GTF2H3: variants seen among roughly 807,000 people sequenced by gnomAD.
GTF2H3 encodes the protein general transcription factor IIH subunit 3.
GTF2H3 carries 42 observed loss-of-function variants against 51.1 expected under a neutral mutation model. The observed-to-expected ratio is 0.82, with a 90% CI of 0.64 to 1.06. The LOEUF is 1.06. Among genes scored for constraint, GTF2H3 ranks in the 50% least tolerant of loss-of-function variants. The pLI, the probability that GTF2H3 is intolerant of heterozygous loss-of-function variation, is 0.00. For missense variants in GTF2H3, 326 were observed against 366.1 expected, an observed-to-expected ratio of 0.89 and a Z score of 0.89; for synonymous variants, 123 against 123.8, an observed-to-expected ratio of 0.99 and a Z score of 0.04.
At chr12:123,642,690 C>T (rs1269398832) in intron 2 of GTF2H3, among the ~76,000 whole-genome samples, 1 of 152,166 alleles carries the variant, frequency 6.6e-6, no homozygotes, top group Non-Finnish European at 1.5e-5. Context: ...TCCACCCCTT[C>T]CCCATGTTCT....
chr12:123,654,480 G>A (rs1451812282), intron 7 of GTF2H3, among the ~76,000 whole-genome samples: 1 of 151,224 alleles, frequency 6.6e-6, no homozygotes, highest in Non-Finnish European at 1.5e-5. Context: ...GGGTGTATGT[G>A]TATTTGGGGT....
At chr12:123,647,167 A>AAAAAAGT (rs1955459085) in intron 3 of GTF2H3, among the ~76,000 whole-genome samples, 1 of 148,458 alleles carries the variant, frequency 6.7e-6, no homozygotes, top group Non-Finnish European at 1.5e-5. Context: ...AAAAAAAAAA[A>AAAAAAGT]AAAAAGTCAC....
intron 2 of GTF2H3, among the ~76,000 whole-genome samples, 185 bp from the exon 3 acceptor site, chr12:123,645,270 A>G (rs998070699): frequency 1.3e-5 from 2 of 152,010 alleles, no homozygotes; most frequent in Non-Finnish European, 2.9e-5. Flanking sequence ...AGGTTTCATT[A>G]TGTTGCCTAG....
Position 123,659,729 on chromosome 12 carries a change from G to T in GTF2H3, c.685-66G>T, listed in dbSNP as rs1419367528. 1.9e-5 allele frequency: 29 copies of T among 1,545,180 alleles called. 1 individual carries two copies. The Admixed American group carries it at 4.4e-4, about 23-fold the overall frequency. On this transcript the variant is annotated intron_variant, in intron 10 of 12. Transcript: ENST00000543341. ...CCTTGGAGTTCCAAGGCCTAGAAGG[G>T]TGGGCTTCATGTTATTTTTTTCCCA...
intron 9 of GTF2H3, among the ~76,000 whole-genome samples, chr12:123,657,319 C>T (rs1955599168): frequency 6.6e-6 from 1 of 152,214 alleles, no homozygotes; most frequent in East Asian, 1.9e-4. Context: ...CCAGGGCCTT[C>T]CAGATGCTGC....
In GTF2H3 at chr12:123,648,200, A is replaced by T. The variant is rs540104466; in HGVS notation, c.364+74A>T. 50 of 980,880 alleles carry T rather than the reference A, an allele frequency of 5.1e-5. 1 individual carries two copies. The South Asian group carries it at 7.3e-4, about 14-fold the overall frequency. 60.8% of individuals were successfully genotyped at this position (980,880 alleles called of 1,614,324 possible). ...GGTCCTTTAGGCTTTAAGTTCAAAG[A>T]TGTGAGGTTCTTTATGTTGTATGCC... On this transcript the variant is annotated intron_variant, in intron 4 of 12. Transcript: ENST00000543341.
intron 5 of GTF2H3, 61 bp downstream of exon 5, chr12:123,651,117 T>C: frequency 7.9e-7 from 1 of 1,259,352 alleles, no homozygotes; most frequent in Non-Finnish European, 1.2e-6. Context: ...TCTTAACTTG[T>C]GACATTTCTT....
At chr12:123,658,497 A>C (rs1014622617) in intron 9 of GTF2H3, among the ~76,000 whole-genome samples, 6 of 152,110 alleles carry the variant, frequency 3.9e-5, no homozygotes, top group African/African-American at 1.4e-4. Flanking sequence ...GCCCGGCCTA[A>C]TTTTTTAAAT....
chr12:123,641,856 G>A (rs1955380132), intron 2 of GTF2H3, among the ~76,000 whole-genome samples: 1 of 151,824 alleles, frequency 6.6e-6, no homozygotes, highest in Non-Finnish European at 1.5e-5. Flanking sequence ...TTTTTTGTTT[G>A]TTTGTTTGTT....
Position 123,660,279 on chromosome 12 carries a change from T to C in GTF2H3, c.*44T>C, listed in dbSNP as rs1955641652. ...ATCTTTTAGAGCTGTTAATAGAAAT[T>C]ATATAGCAGATTCTTTGTTGGGAAG... is the stretch of plus-strand genomic sequence containing the variant. On this transcript the variant is annotated 3_prime_UTR_variant, in exon 13 of 13. Coordinates refer to ENST00000543341, the MANE Select transcript of GTF2H3 (RefSeq NM_001516.5). 1 of 1,350,936 alleles carries C rather than the reference T, an allele frequency of 7.4e-7. No homozygotes were observed. Among genetic ancestry groups the C allele is most frequent in the African/African-American group, 1.5e-5 (1 of 67,820 alleles). The allele number at this position is 1,350,936 out of a possible 1,614,324, so 83.7% of individuals were successfully genotyped here. A position where few individuals can be genotyped will look rare whatever the true frequency, so the allele number is the denominator to read the frequency against.
chr12:123,644,203 T>C (rs11572948), intron 2 of GTF2H3, among the ~76,000 whole-genome samples: 2,106 of 152,190 alleles, frequency 0.014, 43 homozygotes, highest in African/African-American at 0.048. Context: ...TATCTACTTA[T>C]GAAGACTGAA....
intron 4 of GTF2H3, among the ~76,000 whole-genome samples, chr12:123,648,554 CT>C (rs771747039): frequency 2.6e-4 from 40 of 152,136 alleles, no homozygotes; most frequent in Non-Finnish European, 4.4e-4. Flanking sequence ...CTAACCCAGA[CT>C]TTCTTTCATG....
chr12:123,651,382 T>G (rs1013879737), intron 5 of GTF2H3, among the ~76,000 whole-genome samples: 2 of 152,106 alleles, frequency 1.3e-5, no homozygotes, highest in African/African-American at 4.8e-5. Context: ...TAATTTTTTT[T>G]GTATTTTTAG....
chr12:123,662,309 A>T lies in GTF2H3; in HGVS notation c.*2074A>T, dbSNP rs1164902080. On this transcript the variant is annotated 3_prime_UTR_variant, in exon 13 of 13. Transcript: ENST00000543341. ...ATATTCTGGATTTGTGTTTTTGTTA[A>T]CAAATATACAAAGACTTTGGTGATC... 2 of 152,182 alleles carry T rather than the reference A, an allele frequency of 1.3e-5. No homozygotes were observed. Among genetic ancestry groups the T allele is most frequent in the Non-Finnish European group, 2.9e-5 (2 of 68,034 alleles). The allele number at this position is 152,182 out of a possible 1,614,324, so 9.4% of individuals were successfully genotyped here. A position where few individuals can be genotyped will look rare whatever the true frequency, so the allele number is the denominator to read the frequency against.
intron 1 of GTF2H3, among the ~76,000 whole-genome samples, chr12:123,637,511 T>C (rs924062667): frequency 6.6e-6 from 1 of 151,676 alleles, no homozygotes; most frequent in Non-Finnish European, 1.5e-5. Context: ...TAACTTTTTT[T>C]TTTTTTTTTG....
At chr12:123,658,712 A>G in intron 9 of GTF2H3, among the ~76,000 whole-genome samples, 1 of 152,240 alleles carries the variant, frequency 6.6e-6, no homozygotes, top group East Asian at 1.9e-4. Context: ...ACAAAATACA[A>G]TGAAAACAAA....
At chr12:123,645,077 T>G (rs139238157) in intron 2 of GTF2H3, among the ~76,000 whole-genome samples, 17 of 152,326 alleles carry the variant, frequency 1.1e-4, no homozygotes, top group South Asian at 2.1e-4. Context: ...GAAGTCTTTT[T>G]TTTGTTTGTT....
At chr12:123,652,471 T>G in intron 5 of GTF2H3, 61 bp from the exon 6 acceptor site, 1 of 982,718 alleles carries the variant, frequency 1.0e-6, no homozygotes, top group South Asian at 1.6e-5. Flanking sequence ...TTTTTCTTTT[T>G]ACTATAAATA....
rs758020647 is a variant in GTF2H3, at chr12:123,645,550, C to T, written c.189C>T (p.His63=). 14 of 1,560,580 alleles carry T rather than the reference C, an allele frequency of 9.0e-6. No individual in the cohort carries two copies. The highest frequency in any genetic ancestry group is 3.3e-4 in the Middle Eastern group (2 of 5,976). The change falls in exon 3 of 13, where the codon CAC becomes CAT. Residue 63 remains histidine, a synonymous_variant. Transcript: ENST00000543341. The part of the protein sequence containing the change: ...RSNKLAVIAS[H]IQESRFLYPG... The stretch of plus-strand genomic sequence containing the variant: ...ACAAACTTGCTGTGATAGCAAGTCA[C>T]ATTCAAGAAAGGTATGACCATTGTG...
Sources: allele counts gnomAD v4.1 joint callset (sites outside exome capture counted in the v4.1 genomes callset), GRCh38; gene constraint gnomAD v4.1.1; transcripts MANE v1.5; gene names NCBI Gene and HGNC (gene_info 2026-07-23, HGNC 2026-07-21).